The following HEATR4 variants were observed in gnomAD, a reference collection of about 807,000 sequenced individuals.
HEATR4 encodes the protein HEAT repeat-containing protein 4.
In HEATR4, 95 loss-of-function variants were observed where a neutral mutation model predicts 108.8. The ratio of observed to expected loss-of-function variants is 0.87; its 90% CI spans 0.74 to 1.04. HEATR4 has a LOEUF of 1.04. Among genes scored for constraint, HEATR4 ranks in the 50% least tolerant of loss-of-function variants. HEATR4 has a pLI of 0.00. For missense variants in HEATR4, 1,152 were observed against 1,253.8 expected (o/e 0.92, Z 1.23); for synonymous variants, 443 against 459.4 (o/e 0.96, Z 0.46).
chr14:73,498,507 C>G (rs1886234777), intron 13 of HEATR4, among the ~76,000 whole-genome samples, 163 bp from the exon 14 acceptor site: 2 of 152,126 alleles, frequency 1.3e-5, no homozygotes, highest in Non-Finnish European at 2.9e-5. Context: ...CAAAGGATTC[C>G]TAGAAGAGGG....
chr14:73,508,751 C>CAAAAAA (rs770608293), intron 8 of HEATR4, among the ~76,000 whole-genome samples: 11 of 57,866 alleles, frequency 1.9e-4, no homozygotes, highest in African/African-American at 7.2e-4. Context: ...AACTCTGTCT[C>CAAAAAA]AAAAAAAAAA....
the HEATR4 span, among the ~76,000 whole-genome samples, chr14:73,605,449 G>A: frequency 6.7e-6 from 1 of 149,574 alleles, no homozygotes; most frequent in Non-Finnish European, 1.5e-5. Flanking sequence ...GATGATAACA[G>A]CCCTTTCCCA....
At chr14:73,578,143 C>A in the HEATR4 span, among the ~76,000 whole-genome samples, 1 of 151,668 alleles carries the variant, frequency 6.6e-6, no homozygotes, top group African/African-American at 2.4e-5. Flanking sequence ...GAGCCACCGC[C>A]CCTGGCAAAA....
At chr14:73,529,998 C>CT (rs200223821) in intron 2 of HEATR4, among the ~76,000 whole-genome samples, 168 bp downstream of exon 2, 3,943 of 140,472 alleles carry the variant, frequency 0.028, 6 homozygotes, top group African/African-American at 0.097. Context: ...GGGCCTCACT[C>CT]TGTCACCCAA....
At chr14:73,481,773 A>G (rs921339604) in intron 17 of HEATR4, among the ~76,000 whole-genome samples, 7 of 152,062 alleles carry the variant, frequency 4.6e-5, no homozygotes, top group African/African-American at 1.7e-4. Context: ...TGAACCTGGG[A>G]GGCGGAGCTT....
chr14:73,612,989 C>T, the HEATR4 span: 1 of 1,064,376 alleles, frequency 9.4e-7, no homozygotes, highest in Admixed American at 3.8e-5. Flanking sequence ...CGAGCCGGTG[C>T]GCGCGGGCCC....
At chr14:73,521,819 A>G (rs571423561) in intron 3 of HEATR4, among the ~76,000 whole-genome samples, 3 of 152,280 alleles carry the variant, frequency 2.0e-5, no homozygotes, top group South Asian at 4.1e-4. Context: ...TCCTCACTCC[A>G]CCAAGGATAC....
the HEATR4 span, among the ~76,000 whole-genome samples, chr14:73,578,256 A>C: frequency 1.5e-5 from 2 of 136,230 alleles, no homozygotes; most frequent in African/African-American, 5.5e-5. Context: ...TTGAGACAGG[A>C]TCTCTCACCC....
In HEATR4 at chr14:73,551,400, G is replaced by T. The variant is rs1437616283; in HGVS notation, c.-152+7351C>A. ...TCTCTAAACTGAAAATTCGCAGTTGGTGCCAGAGGGCCAGAGTGAGACAAG... is the reference window on the plus strand; with the variant it reads ...TCTCTAAACTGAAAATTCGCAGTTGTTGCCAGAGGGCCAGAGTGAGACAAG... On this transcript the variant is annotated intron_variant, in intron 1 of 17. Coordinates refer to ENST00000553558, the MANE Select transcript of HEATR4 (RefSeq NM_001220484.1). Among the ~76,000 whole-genome samples, 3 of 114,972 alleles carry T rather than the reference G, an allele frequency of 2.6e-5. 1 individual carries two copies. The highest frequency in any genetic ancestry group is 5.7e-5 in the Non-Finnish European group (3 of 52,778). 75.4% of individuals were successfully genotyped at this position (114,972 alleles called of 152,430 possible).
At chr14:73,530,794 ATTTTTTT>A (rs59208614) in intron 1 of HEATR4, among the ~76,000 whole-genome samples, 1,466 of 57,760 alleles carry the variant, frequency 0.025, 54 homozygotes, top group African/African-American at 0.093. Context: ...TCTCGGTTAA[ATTTTTTT>A]TTTTTTTTTT....
chr14:73,489,703 G>C (rs1885597908), intron 17 of HEATR4, among the ~76,000 whole-genome samples: 1 of 152,272 alleles, frequency 6.6e-6, no homozygotes, highest in South Asian at 2.1e-4. Flanking sequence ...ATTAGAAGCC[G>C]ATTTAAGATC....
At chr14:73,505,297 T>G (rs1886738615) in intron 10 of HEATR4, among the ~76,000 whole-genome samples, 1 of 152,222 alleles carries the variant, frequency 6.6e-6, no homozygotes, top group Admixed American at 6.5e-5. Flanking sequence ...TACCTTATAT[T>G]TATTGCTTGT....
chr14:73,599,693 C>T, the HEATR4 span, among the ~76,000 whole-genome samples: 201 of 152,344 alleles, frequency 1.3e-3, no homozygotes, highest in African/African-American at 4.4e-3. Flanking sequence ...ATTATACATA[C>T]TATCACTCTC....
At chr14:73,551,224 T>C (rs1412340530) in intron 1 of HEATR4, among the ~76,000 whole-genome samples, 7 of 113,604 alleles carry the variant, frequency 6.2e-5, no homozygotes, top group African/African-American at 2.0e-4. Context: ...TTACCCCAAC[T>C]AGTCAATGAG....
At chr14:73,517,001 G>A (rs771467271) in intron 5 of HEATR4, among the ~76,000 whole-genome samples, 6 of 152,230 alleles carry the variant, frequency 3.9e-5, no homozygotes, top group Non-Finnish European at 7.3e-5. Flanking sequence ...TCTTGGCAGG[G>A]TACAGTGGCT....
the HEATR4 span, among the ~76,000 whole-genome samples, chr14:73,566,724 C>A: frequency 6.6e-6 from 1 of 152,160 alleles, no homozygotes; most frequent in Admixed American, 6.5e-5. Context: ...TCCCTCCACA[C>A]CTCCCTGCAA....
the HEATR4 span, among the ~76,000 whole-genome samples, chr14:73,597,591 C>CTT: frequency 0.04 from 3,942 of 98,046 alleles, 136 homozygotes; most frequent in Non-Finnish European, 0.064. Flanking sequence ...TTTTTCTTTT[C>CTT]TTTTTTTTTT....
chr14:73,588,101 A>C, the HEATR4 span, among the ~76,000 whole-genome samples: 1 of 151,860 alleles, frequency 6.6e-6, no homozygotes, highest in African/African-American at 2.4e-5. Context: ...TCCTGGGTTC[A>C]AGCGATTCTC....
At chr14:73,488,189 AG>A (rs932934405) in intron 17 of HEATR4, among the ~76,000 whole-genome samples, 4 of 152,190 alleles carry the variant, frequency 2.6e-5, no homozygotes, top group Admixed American at 2.0e-4. Context: ...ATGTTAGATG[AG>A]GGACCTGGTG....
Sources: allele counts gnomAD v4.1 joint callset (sites outside exome capture counted in the v4.1 genomes callset), GRCh38; gene constraint gnomAD v4.1.1; transcripts MANE v1.5; gene names NCBI Gene and HGNC (gene_info 2026-07-23, HGNC 2026-07-21).